Variants in CIDEC observed in about 807,000 individuals in gnomAD.
The protein encoded by CIDEC is cell death inducing DFFA like effector c, also known as lipid transferase CIDEC.
In CIDEC, 11 loss-of-function variants were observed where a neutral mutation model predicts 21.9. The observed-to-expected ratio is 0.50, with a 90% confidence interval of 0.32 to 0.83. The LOEUF (loss-of-function observed/expected upper bound fraction) is 0.83, where lower values mean the gene tolerates loss of function less well. Among genes scored for constraint, CIDEC ranks in the 40% least tolerant of loss-of-function variants. CIDEC has a pLI of 0.04. For synonymous variants in CIDEC, 127 were observed against 124.9 expected, an observed-to-expected ratio of 1.02 and a Z score of -0.11; for missense variants, 302 against 302.3, an observed-to-expected ratio of 1.00 and a Z score of 0.01.
intron 4 of CIDEC, among the ~76,000 whole-genome samples, chr3:9,874,494 C>A (rs1249282030): frequency 1.3e-5 from 2 of 149,880 alleles, no homozygotes; most frequent in African/African-American, 4.9e-5. Context: ...CTAGCCGGGG[C>A]AATGGAGCGA....
chr3:9,878,595 C>G, intron 2 of CIDEC, 84 bp from the exon 3 acceptor site: 2 of 1,317,824 alleles, frequency 1.5e-6, no homozygotes, highest in Non-Finnish European at 2.2e-6. Context: ...GCAACCCAAC[C>G]CCTGTTCAGC....
rs1483429540 is a variant in CIDEC, at chr3:9,870,226, C to T, written c.304G>A (p.Ala102Thr). Residue 102 changes from alanine (A) to threonine (T), a missense_variant, in exon 5 of 7, where the codon GCA becomes ACA. Coordinates refer to ENST00000336832, the MANE Select transcript of CIDEC (RefSeq NM_001321142.2). ...AGGACCATGAACACTGTATCCCCTGCCAGGGCTTGGAAGTACTCTTCTGTC... is the reference window on the plus strand; with the variant it reads ...AGGACCATGAACACTGTATCCCCTGTCAGGGCTTGGAAGTACTCTTCTGTC... ...VETEEYFQALAGDTVFMVLQK... is the reference protein window; with the variant it reads ...VETEEYFQALTGDTVFMVLQK... The T allele has an allele frequency of 6.2e-7, 1 of 1,614,182 alleles. No homozygotes were observed. The highest frequency in any genetic ancestry group is 8.5e-7 in the Non-Finnish European group (1 of 1,180,030).
At chr3:9,867,605 GCAAGAT>G (rs1396263862) in intron 6 of CIDEC, among the ~76,000 whole-genome samples, 1 of 152,188 alleles carries the variant, frequency 6.6e-6, no homozygotes, top group African/African-American at 2.4e-5. Context: ...GGGTGACAGA[GCAAGAT>G]TCAGTCTCAA....
Position 9,870,339 on chromosome 3 carries a change from G to A in CIDEC, c.208-17C>T, listed in dbSNP as rs1429749884. ...GTCCCGGACCTGGGGAATAAGGTCA[G>A]TGATGCTTCTGCCATCCCAGAACAA... is the stretch of plus-strand genomic sequence containing the variant. On this transcript the variant is annotated splice_polypyrimidine_tract_variant and intron_variant, in intron 4 of 6. Transcript: ENST00000336832. 28 of 1,611,486 alleles carry A rather than the reference G, an allele frequency of 1.7e-5. No individual in the cohort carries two copies. The East Asian group carries it at 6.0e-4, about 35-fold the overall frequency.
Position 9,878,448 on chromosome 3 carries a change from G to A in CIDEC, c.39C>T (p.Pro13=), listed in dbSNP as rs770512970. Residue 13 remains proline, a synonymous_variant, in exon 3 of 7, where the codon CCC becomes CCT. Transcript: ENST00000336832. ...ACTTTCCTCACCTGGAGAGGGACTT[G>A]GGGTAGAGAAGGCTAAGGGACTTCA... The part of the protein sequence containing the change: ...YAMKSLSLLY[P]KSLSRHVSVR... The A allele has an allele frequency of 4.3e-6, 7 of 1,613,106 alleles. No individual in the cohort carries two copies. Among genetic ancestry groups the A allele is most frequent in the Non-Finnish European group, 5.9e-6 (7 of 1,179,218 alleles).
chr3:9,867,742 A>G (rs1302558158), intron 6 of CIDEC, among the ~76,000 whole-genome samples: 1 of 152,196 alleles, frequency 6.6e-6, no homozygotes, highest in Admixed American at 6.5e-5. Context: ...AGCCTGGCCA[A>G]CATGGCGAAA....
At chr3:9,878,087 A>G in intron 3 of CIDEC, 1 of 251,804 alleles carries the variant, frequency 4.0e-6, no homozygotes, top group Non-Finnish European at 7.9e-6. Context: ...TTGCTGGGTG[A>G]TTGAGAGCAC....
intron 4 of CIDEC, among the ~76,000 whole-genome samples, chr3:9,872,642 C>G (rs933176657): frequency 3.3e-4 from 50 of 152,122 alleles, no homozygotes; most frequent in African/African-American, 1.1e-3. Flanking sequence ...CAACTATTTT[C>G]TCCCATTTTG....
At chr3:9,875,387 A>AAAAG (rs1553563759) in intron 4 of CIDEC, among the ~76,000 whole-genome samples, 2 of 150,020 alleles carry the variant, frequency 1.3e-5, no homozygotes, top group African/African-American at 5.0e-5. Context: ...AAAAAAAAAA[A>AAAAG]AAAAAAGAAA....
intron 2 of CIDEC, 97 bp from the exon 3 acceptor site, chr3:9,878,608 C>G (rs1479984146): frequency 7.9e-7 from 1 of 1,263,340 alleles, no homozygotes; most frequent in Non-Finnish European, 1.1e-6. Context: ...TGTTCAGCAA[C>G]CTTCCTCCCT....
intron 4 of CIDEC, chr3:9,870,532 A>T: frequency 7.0e-7 from 1 of 1,425,404 alleles, no homozygotes; most frequent in Non-Finnish European, 9.5e-7. Flanking sequence ...TTTAATTGTG[A>T]TACAGTTTAC....
At position 9,872,684 on chromosome 3, in the gene CIDEC, C is replaced by T. The variant is rs2082364608; in HGVS notation, c.208-2362G>A. ...GTGTTTTTTACTTTCTTGCTAGTGT[C>T]CCTTGATATACAAAAGTTTTAGGCT... On this transcript the variant is annotated intron_variant, in intron 4 of 6. Coordinates refer to ENST00000336832, the MANE Select transcript of CIDEC (RefSeq NM_001321142.2). 3.3e-5 allele frequency among the ~76,000 whole-genome samples: 5 copies of T among 152,000 alleles called. No homozygotes were observed. The South Asian group carries it at 1.0e-3, about 31-fold the overall frequency.
rs2082440799 is a variant in CIDEC, at chr3:9,877,349, TG to T, written c.54-131del. ...TCAACCCCCCATCACCTGCTAATCC[TG>T]CCCTAGTCTTACTCAGAAGCCTGCT... On this transcript the variant is annotated intron_variant, in intron 3 of 6. Coordinates refer to ENST00000336832, the MANE Select transcript of CIDEC (RefSeq NM_001321142.2). The T allele has an allele frequency of 5.6e-6, 5 of 888,128 alleles. 1 individual carries two copies. The Admixed American group carries it at 1.0e-4, about 18-fold the overall frequency. The allele number at this position is 888,128 out of a possible 1,614,324, so 55.0% of individuals were successfully genotyped here. A position where few individuals can be genotyped will look rare whatever the true frequency, so the allele number is the denominator to read the frequency against.
At chr3:9,871,666 G>A (rs543464531) in intron 4 of CIDEC, among the ~76,000 whole-genome samples, 73 of 151,556 alleles carry the variant, frequency 4.8e-4, no homozygotes, top group Non-Finnish European at 9.4e-4. Flanking sequence ...TTTTGCTCTT[G>A]TTTCCCAGGC....
intron 3 of CIDEC, 159 bp downstream of exon 3, chr3:9,878,275 T>C: frequency 1.4e-6 from 1 of 696,102 alleles, no homozygotes; most frequent in Non-Finnish European, 2.7e-6. Flanking sequence ...CAGGGACTTC[T>C]TGGCAGTGCA....
At chr3:9,870,127 T>G (rs1251200544) in intron 5 of CIDEC, 37 bp downstream of exon 5, 2 of 1,614,014 alleles carry the variant, frequency 1.2e-6, no homozygotes, top group Admixed American at 1.7e-5. Context: ...AGAGTCCCGA[T>G]TTTCTCCCCC....
rs1319839224 is a variant in CIDEC, at chr3:9,880,245, A to G, written c.-160T>C. ...TTACCTCCCCCTCACAGCCTCCTGG[A>G]AATACTGCCCTGTCCCGCCCAGCCC... On this transcript the variant is annotated 5_prime_UTR_variant, in exon 1 of 7. Coordinates refer to ENST00000336832, the MANE Select transcript of CIDEC (RefSeq NM_001321142.2). The G allele has an allele frequency of 1.3e-5, 2 of 152,180 alleles. No homozygotes were observed. The highest frequency in any genetic ancestry group is 4.8e-5 in the African/African-American group (2 of 41,434). The allele number at this position is 152,180 out of a possible 1,614,324, so 9.4% of individuals were successfully genotyped here.
intron 4 of CIDEC, among the ~76,000 whole-genome samples, chr3:9,872,710 G>C (rs1320449377): frequency 6.6e-6 from 1 of 152,022 alleles, no homozygotes; most frequent in Non-Finnish European, 1.5e-5. Flanking sequence ...GTTTTAGGCT[G>C]GGCGTAGTGG....
chr3:9,877,200 A>G lies in CIDEC; in HGVS notation c.73T>C (p.Ser25Pro). ...GACAGCAGCTGCTGGGTCACCACAG[A>G]GGTACGCACTGACACATGCCTGGGG... ...SLSRHVSVRT[S>P]VVTQQLLSEP... The change falls in exon 4 of 7, where the codon TCT becomes CCT. Residue 25 changes from serine (S) to proline (P), a missense_variant. Physicochemically the swap from Ser to Pro is moderately conservative, Grantham distance 74 (BLOSUM62 -1). Transcript: ENST00000336832. 1 of 1,550,482 alleles carries G rather than the reference A, an allele frequency of 6.4e-7. No homozygotes were observed. Among genetic ancestry groups the G allele is most frequent in the Non-Finnish European group, 8.7e-7 (1 of 1,147,108 alleles).
Sources: allele counts gnomAD v4.1 joint callset (sites outside exome capture counted in the v4.1 genomes callset), GRCh38; gene constraint gnomAD v4.1.1; transcripts MANE v1.5; gene names NCBI Gene and HGNC (gene_info 2026-07-23, HGNC 2026-07-21).